Variants in RIMS2 observed in about 807,000 individuals in gnomAD.
RIMS2 encodes the protein regulating synaptic membrane exocytosis 2, also known as regulating synaptic membrane exocytosis protein 2.
A neutral mutation model predicts 174.4 loss-of-function variants in RIMS2; 59 were observed. That is an observed-to-expected ratio of 0.34 (90% CI 0.27 to 0.42). The LOEUF is 0.42. Ranked by LOEUF, RIMS2 falls within the 10% of genes least tolerant of loss-of-function variation. The pLI is 1.00. For missense variants in RIMS2, 1,620 were observed against 1,666.3 expected, an observed-to-expected ratio of 0.97 and a Z score of 0.48; for synonymous variants, 606 against 572.5, an observed-to-expected ratio of 1.06 and a Z score of -0.84.
At chr8:104,015,812 G>C (rs542078254) in intron 19 of RIMS2, among the ~76,000 whole-genome samples, 1 of 152,008 alleles carries the variant, frequency 6.6e-6, no homozygotes, top group African/African-American at 2.4e-5. Context: ...ACATCATTGA[G>C]GATGTACACA....
intron 15 of RIMS2, among the ~76,000 whole-genome samples, chr8:103,974,155 TTC>T (rs1054331245): frequency 1.5e-4 from 23 of 152,198 alleles, no homozygotes; most frequent in African/African-American, 5.5e-4. Context: ...GCTCTTCTCC[TTC>T]TTCCTGAGGG....
At chr8:103,917,609 T>G (rs900397636) in intron 8 of RIMS2, among the ~76,000 whole-genome samples, 1 of 152,202 alleles carries the variant, frequency 6.6e-6, no homozygotes, top group Non-Finnish European at 1.5e-5. Context: ...TGTTTACCCC[T>G]TGTGTCAAAT....
intron 2 of RIMS2, among the ~76,000 whole-genome samples, chr8:103,739,136 C>G (rs1282167132): frequency 3.9e-5 from 6 of 152,120 alleles, no homozygotes; most frequent in Non-Finnish European, 8.8e-5. Context: ...ACCCAAATGT[C>G]CATCAATGAT....
intron 1 of RIMS2, among the ~76,000 whole-genome samples, chr8:103,564,391 T>C (rs1218317570): frequency 6.6e-6 from 1 of 152,102 alleles, no homozygotes; most frequent in Non-Finnish European, 1.5e-5. Flanking sequence ...GATGTATATA[T>C]AAAGGGGAGT....
chr8:104,102,350 C>CTTCTCTCAA (rs2131159345), intron 19 of RIMS2, among the ~76,000 whole-genome samples: 1 of 152,294 alleles, frequency 6.6e-6, no homozygotes, highest in South Asian at 2.1e-4. Context: ...TTGATTAGTT[C>CTTCTCTCAA]TTCTCCACTG....
chr8:103,947,742 G>A (rs1009918609), intron 14 of RIMS2, among the ~76,000 whole-genome samples: 2 of 152,120 alleles, frequency 1.3e-5, no homozygotes, highest in Non-Finnish European at 2.9e-5. Context: ...GTATACTATA[G>A]TAGACTTTAT....
At chr8:103,886,380 A>T (rs185429228) in intron 4 of RIMS2, among the ~76,000 whole-genome samples, 157 bp downstream of exon 7, 35 of 152,034 alleles carry the variant, frequency 2.3e-4, no homozygotes, top group Non-Finnish European at 5.0e-4. Context: ...TTCGTGTTAT[A>T]AAAAGTATCT....
At chr8:103,906,806 T>C (rs1481505820) in intron 4 of RIMS2, among the ~76,000 whole-genome samples, 1 of 152,166 alleles carries the variant, frequency 6.6e-6, no homozygotes, top group Non-Finnish European at 1.5e-5. Flanking sequence ...TATGGGACAA[T>C]ACTGTATTTT....
At chr8:103,931,448 A>G in intron 12 of RIMS2, 55 bp downstream of exon 14, 2 of 1,236,714 alleles carry the variant, frequency 1.6e-6, no homozygotes, top group Non-Finnish European at 2.3e-6. Context: ...AAATGTTCAT[A>G]GCAATGGGTA....
At chr8:104,247,753 G>A (rs940686370) in intron 20 of RIMS2, among the ~76,000 whole-genome samples, 6 of 152,112 alleles carry the variant, frequency 3.9e-5, no homozygotes, top group African/African-American at 1.4e-4. Flanking sequence ...TGAGTTTCAG[G>A]TGTCTATTAC....
At chr8:104,182,275 A>T (rs542528990) in intron 19 of RIMS2, among the ~76,000 whole-genome samples, 1 of 151,868 alleles carries the variant, frequency 6.6e-6, no homozygotes, top group Non-Finnish European at 1.5e-5. Context: ...TATTTTGGCT[A>T]CAAAAATAAT....
intron 19 of RIMS2, among the ~76,000 whole-genome samples, chr8:104,070,560 G>C (rs2154561562): frequency 6.6e-6 from 1 of 152,114 alleles, no homozygotes; most frequent in Non-Finnish European, 1.5e-5. Flanking sequence ...TTGTATTTCT[G>C]CCTACAACTA....
intron 19 of RIMS2, among the ~76,000 whole-genome samples, chr8:104,089,021 T>G (rs778525216): frequency 2.0e-5 from 3 of 151,918 alleles, no homozygotes; most frequent in Non-Finnish European, 4.4e-5. Context: ...ATGATCTTCT[T>G]AATAGTATGT....
chr8:103,889,456 A>G (rs1472585875), intron 4 of RIMS2, among the ~76,000 whole-genome samples: 2 of 151,774 alleles, frequency 1.3e-5, no homozygotes, highest in African/African-American at 2.4e-5. Flanking sequence ...GCATCAAGTT[A>G]TCTAATTTTA....
At chr8:103,663,402 C>T (rs191252248) in intron 1 of RIMS2, among the ~76,000 whole-genome samples, 78 of 152,080 alleles carry the variant, frequency 5.1e-4, no homozygotes, top group Non-Finnish European at 7.6e-4. Context: ...GTGTCAGCCC[C>T]AAATCTCCTT....
At chr8:104,245,149 T>TG in intron 20 of RIMS2, 92 bp downstream of exon 26, 1 of 1,265,024 alleles carries the variant, frequency 7.9e-7, no homozygotes, top group South Asian at 1.4e-5. Flanking sequence ...TCTCATGCTC[T>TG]TCAGAACCAC....
chr8:103,578,624 T>C (rs969467345), intron 1 of RIMS2, among the ~76,000 whole-genome samples: 2 of 152,158 alleles, frequency 1.3e-5, no homozygotes, highest in African/African-American at 4.8e-5. Context: ...CAACAGACTT[T>C]TCAGTGGAAA....
In RIMS2 at chr8:103,620,804, G is replaced by A. The variant is rs111576511; in HGVS notation, c.177-76282G>A. 3.9e-3 allele frequency among the ~76,000 whole-genome samples: 591 copies of A among 152,204 alleles called. 4 individuals carry two copies. Among genetic ancestry groups the A allele is most frequent in the African/African-American group, 0.013 (556 of 41,530 alleles). ...GTGCCTGGCATATAGTGGTTACTCA[G>A]TAAATAAGAACACCCTTTTCAAAAC... On this transcript the variant is annotated intron_variant, in intron 1 of 23. Transcript: ENST00000504942.
At chr8:103,670,233 C>T (rs1309933902) in intron 1 of RIMS2, among the ~76,000 whole-genome samples, 2 of 152,238 alleles carry the variant, frequency 1.3e-5, no homozygotes, top group Non-Finnish European at 2.9e-5. Flanking sequence ...GGATGCAGGG[C>T]ACGAAGACCC....
Sources: gnomAD v4.1 joint callset for allele counts (sites outside exome capture counted in the v4.1 genomes callset) on GRCh38, gnomAD v4.1.1 for gene constraint, MANE v1.5 for transcripts, NCBI Gene and HGNC (gene_info 2026-07-23, HGNC 2026-07-21) for gene names.